The following LOC128462377 variants were observed in gnomAD, a reference collection of about 807,000 sequenced individuals.
chr16:89,317,152 A>C, the LOC128462377 span: 3 of 1,009,308 alleles, frequency 3.0e-6, no homozygotes, highest in Non-Finnish European at 4.5e-6. Flanking sequence ...CACCGCACTC[A>C]ACAGACTCAG....
At chr16:89,366,866 C>T in the LOC128462377 span, among the ~76,000 whole-genome samples, 65 of 152,354 alleles carry the variant, frequency 4.3e-4, no homozygotes, top group African/African-American at 1.4e-3. Context: ...AAGCCACTCA[C>T]GGCCTCTGTC....
At chr16:89,388,295 T>TTTTTTTTA in the LOC128462377 span, among the ~76,000 whole-genome samples, 2 of 121,752 alleles carry the variant, frequency 1.6e-5, no homozygotes, top group Non-Finnish European at 3.3e-5. Context: ...TGAGGCTGAT[T>TTTTTTTTA]TTTTTTTTTT....
chr16:89,329,345 ATGC>A, the LOC128462377 span, among the ~76,000 whole-genome samples: 1 of 152,166 alleles, frequency 6.6e-6, no homozygotes, highest in Non-Finnish European at 1.5e-5. Flanking sequence ...GGCACAAGGG[ATGC>A]TGCTATTTTT....
chr16:89,374,413 A>T, the LOC128462377 span, among the ~76,000 whole-genome samples: 9 of 152,200 alleles, frequency 5.9e-5, no homozygotes, highest in Non-Finnish European at 1.2e-4. Flanking sequence ...CTACATGGGC[A>T]GAGCTGAACG....
chr16:89,393,691 G>C, the LOC128462377 span, among the ~76,000 whole-genome samples: 1 of 151,920 alleles, frequency 6.6e-6, no homozygotes, highest in Non-Finnish European at 1.5e-5. Flanking sequence ...GGATTTGTAA[G>C]GGTTAGAAGG....
the LOC128462377 span, among the ~76,000 whole-genome samples, chr16:89,347,174 G>T: frequency 6.6e-6 from 1 of 152,178 alleles, no homozygotes; most frequent in Non-Finnish European, 1.5e-5. Flanking sequence ...ATGGAAATGT[G>T]AATGAAAACA....
At chr16:89,321,128 G>C in the LOC128462377 span, 1 of 152,590 alleles carries the variant, frequency 6.6e-6, no homozygotes, top group Non-Finnish European at 1.5e-5. Flanking sequence ...CAGGAGCCCA[G>C]CTGCGATTCC....
the LOC128462377 span, among the ~76,000 whole-genome samples, chr16:89,355,533 T>G: frequency 6.6e-6 from 1 of 152,214 alleles, no homozygotes; most frequent in Non-Finnish European, 1.5e-5. Context: ...GCACATGCTC[T>G]GCTCTGAACG....
chr16:89,335,946 A>G, the LOC128462377 span, among the ~76,000 whole-genome samples: 2 of 152,222 alleles, frequency 1.3e-5, no homozygotes, highest in Admixed American at 1.3e-4. Context: ...CGCCGCAAAC[A>G]TGACCGTGCA....
the LOC128462377 span, among the ~76,000 whole-genome samples, chr16:89,367,962 C>T: frequency 4.0e-5 from 6 of 151,462 alleles, no homozygotes; most frequent in Middle Eastern, 3.4e-3. Context: ...CATGACTGCA[C>T]CACTGCACTC....
At chr16:89,394,084 CTG>C in the LOC128462377 span, among the ~76,000 whole-genome samples, 2 of 152,186 alleles carry the variant, frequency 1.3e-5, no homozygotes, top group Non-Finnish European at 2.9e-5. Flanking sequence ...CCTAGCCCTC[CTG>C]GAGACTCCAC....
At chr16:89,357,322 C>T in the LOC128462377 span, among the ~76,000 whole-genome samples, 5 of 152,110 alleles carry the variant, frequency 3.3e-5, no homozygotes, top group African/African-American at 7.2e-5. Context: ...CCACGTGTCC[C>T]GGGGACAGGA....
the LOC128462377 span, among the ~76,000 whole-genome samples, chr16:89,404,202 G>A: frequency 6.6e-6 from 1 of 152,180 alleles, no homozygotes; most frequent in Non-Finnish European, 1.5e-5. Context: ...GCAGCATGGG[G>A]TTGAGAGGGG....
At chr16:89,368,341 T>G in the LOC128462377 span, among the ~76,000 whole-genome samples, 1 of 145,488 alleles carries the variant, frequency 6.9e-6, no homozygotes, top group Non-Finnish European at 1.5e-5. Flanking sequence ...GGATTACAGG[T>G]GCCTGCTGCC....
At chr16:89,410,523 C>T in the LOC128462377 span, among the ~76,000 whole-genome samples, 1 of 152,148 alleles carries the variant, frequency 6.6e-6, no homozygotes, top group African/African-American at 2.4e-5. Flanking sequence ...AAGGGAAACA[C>T]CTGCCCCCGG....
the LOC128462377 span, among the ~76,000 whole-genome samples, chr16:89,345,391 A>C: frequency 5.3e-5 from 8 of 152,132 alleles, no homozygotes; most frequent in Admixed American, 4.6e-4. Context: ...TCGTGGGTGG[A>C]CGAACGCTGG....
the LOC128462377 span, among the ~76,000 whole-genome samples, chr16:89,330,396 G>A: frequency 6.6e-6 from 1 of 152,166 alleles, no homozygotes; most frequent in Non-Finnish European, 1.5e-5. Context: ...CTTCCCAGGT[G>A]GCCGCTCGCA....
the LOC128462377 span, among the ~76,000 whole-genome samples, chr16:89,391,651 A>G: frequency 2.0e-5 from 3 of 152,232 alleles, no homozygotes; most frequent in Admixed American, 6.5e-5. Flanking sequence ...ACAAAACCAC[A>G]AACTCAGTAA....
chr16:89,417,357 T>A, the LOC128462377 span, among the ~76,000 whole-genome samples: 10 of 152,206 alleles, frequency 6.6e-5, no homozygotes, highest in Admixed American at 2.0e-4. Context: ...TATGAAAATT[T>A]AATTTAGCCA....
Sources: allele counts gnomAD v4.1 joint callset (sites outside exome capture counted in the v4.1 genomes callset), GRCh38; gene constraint gnomAD v4.1.1; transcripts MANE v1.5.